Variants in TM2D3 observed in about 807,000 individuals in gnomAD.
TM2D3 encodes TM2 domain containing 3.
In TM2D3, 33 loss-of-function variants were observed where a neutral mutation model predicts 27.3. That is an observed-to-expected ratio of 1.21 (90% CI 0.92 to 1.61). The LOEUF (loss-of-function observed/expected upper bound fraction) is 1.61, where lower values mean the gene tolerates loss of function less well. TM2D3 is among the 40% of genes most tolerant of loss of function. The pLI, the probability that TM2D3 is intolerant of heterozygous loss-of-function variation, is 0.00. For missense variants in TM2D3, 364 were observed against 320.8 expected, an observed-to-expected ratio of 1.13 and a Z score of -1.03; for synonymous variants, 138 against 122.2, an observed-to-expected ratio of 1.13 and a Z score of -0.85.
chr15:101,635,320 A>T (rs1254391521), intron 4 of TM2D3: 1 of 152,182 alleles, frequency 6.6e-6, no homozygotes, highest in Non-Finnish European at 1.5e-5. Flanking sequence ...GAAATGTCTC[A>T]AATTAGTGAC....
At chr15:101,647,661 T>C (rs1191127928) in intron 3 of TM2D3, among the ~76,000 whole-genome samples, 1 of 152,236 alleles carries the variant, frequency 6.6e-6, no homozygotes, top group African/African-American at 2.4e-5. Context: ...TTGAAGATTA[T>C]AGACAAAAAC....
chr15:101,641,865 TTA>T lies in TM2D3; in HGVS notation c.*612_*613del. 1 of 931,124 alleles carries T rather than the reference TTA, an allele frequency of 1.1e-6. No individual in the cohort carries two copies. Among genetic ancestry groups the T allele is most frequent in the Non-Finnish European group, 1.3e-6 (1 of 780,312 alleles). The allele number at this position is 931,124 out of a possible 1,614,324, so 57.7% of individuals were successfully genotyped here. Reference sequence around the variant, plus strand: ...CCACAGTATTTCTTAACTTGCAATTTTATTAATTTTTCAGTACTCTTACCTTT... The same window carrying T: ...CCACAGTATTTCTTAACTTGCAATTTTTAATTTTTCAGTACTCTTACCTTT... On this transcript the variant is annotated 3_prime_UTR_variant, in exon 6 of 6. Transcript: ENST00000333202.
intron 4 of TM2D3, 43 bp downstream of exon 4, chr15:101,646,682 A>G (rs773114386): frequency 1.9e-6 from 3 of 1,612,278 alleles, no homozygotes; most frequent in Non-Finnish European, 2.5e-6. Context: ...ATAAACTTGG[A>G]GAAAAACATT....
Position 101,642,449 on chromosome 15 carries a change from C to T in TM2D3, c.*30G>A. 3.2e-6 allele frequency: 5 copies of T among 1,577,528 alleles called. No individual in the cohort carries two copies. The highest frequency in any genetic ancestry group is 4.6e-5 in the East Asian group (2 of 43,650). Reference sequence around the variant, plus strand: ...TACGGACAAAAGGGCTTTTTCTAAGCCCTGCTCCTTTCTGAAGCACACACC... The same window carrying T: ...TACGGACAAAAGGGCTTTTTCTAAGTCCTGCTCCTTTCTGAAGCACACACC... On this transcript the variant is annotated 3_prime_UTR_variant, in exon 6 of 6. Coordinates refer to ENST00000333202, the MANE Select transcript of TM2D3 (RefSeq NM_078474.3).
At chr15:101,651,166 T>C in intron 2 of TM2D3, 1 of 153,340 alleles carries the variant, frequency 6.5e-6, no homozygotes, top group Non-Finnish European at 1.5e-5. Flanking sequence ...ACACTTAGAA[T>C]CACAAAGCAG....
Position 101,642,503 on chromosome 15 carries a change from T to C in TM2D3, c.720A>G (p.Pro240=), listed in dbSNP as rs1401600769. The C allele has an allele frequency of 1.2e-6, 2 of 1,612,960 alleles. No individual in the cohort carries two copies. The highest frequency in any genetic ancestry group is 2.7e-5 in the African/African-American group (2 of 74,924). ...GCTAAATGTACAAAGAGCCATCTGCTGGTCCAACATAGCCAACTCCAATGA... is the reference window on the plus strand; with the variant it reads ...GCTAAATGTACAAAGAGCCATCTGCCGGTCCAACATAGCCAACTCCAATGA... ...VLLIGVGYVG[P]ADGSLYI is the part of the protein sequence containing the mutation. The change falls in exon 6 of 6, where the codon CCA becomes CCG. Residue 240 remains proline (P), a synonymous_variant. Coordinates refer to ENST00000333202, the MANE Select transcript of TM2D3 (RefSeq NM_078474.3).
At position 101,646,809 on chromosome 15, in the gene TM2D3, T is replaced by G; in HGVS notation, c.418A>C (p.Asn140His). 6.2e-7 allele frequency: 1 copy of G among 1,614,212 alleles called. No homozygotes were observed. The highest frequency in any genetic ancestry group is 1.1e-5 in the South Asian group (1 of 91,084). Reference protein sequence around the residue: ...QLPETDYECTNSTSCMTVSCP... With the variant: ...QLPETDYECTHSTSCMTVSCP... ...GACACCGTCATGCAGCTGGTGGAGT[T>G]GGTACACTCGTAATCTGTTTCAGGA... The change falls in exon 4 of 6, where the codon AAC (asparagine) becomes CAC (histidine). Residue 140 changes from asparagine to histidine, a missense_variant. By Grantham distance (68) the Asn-to-His change is moderately conservative (BLOSUM62 1). Coordinates refer to ENST00000333202, the MANE Select transcript of TM2D3 (RefSeq NM_078474.3).
chr15:101,643,599 T>TTA (rs1309191747), intron 5 of TM2D3, among the ~76,000 whole-genome samples: 14,435 of 48,904 alleles, frequency 0.3, 2,172 homozygotes, highest in Non-Finnish European at 0.42. Flanking sequence ...GAGACTCCGT[T>TTA]AAAAAAAAAA....
intron 5 of TM2D3, 107 bp downstream of exon 5, chr15:101,644,980 G>T: frequency 1.0e-6 from 1 of 955,646 alleles, no homozygotes; most frequent in Non-Finnish European, 1.6e-6. Context: ...AACACACGTG[G>T]TAGGATCTGA....
intron 3 of TM2D3, among the ~76,000 whole-genome samples, chr15:101,649,188 G>T (rs561861574): frequency 3.3e-5 from 5 of 152,086 alleles, no homozygotes; most frequent in Non-Finnish European, 7.4e-5. Flanking sequence ...CTACAAGACT[G>T]TCATCTTTTC....
intron 2 of TM2D3, 69 bp from the exon 3 acceptor site, chr15:101,650,230 A>C (rs1896933661): frequency 6.7e-7 from 1 of 1,494,100 alleles, no homozygotes; most frequent in Admixed American, 2.0e-5. Context: ...CAATCTTCTA[A>C]GGTTAAGAGA....
At chr15:101,648,210 T>A (rs185696990) in intron 3 of TM2D3, 8 of 152,294 alleles carry the variant, frequency 5.3e-5, no homozygotes, top group African/African-American at 1.9e-4. Context: ...GTTTGTTATT[T>A]TTTTTAACAT....
At chr15:101,651,811 TC>T in intron 1 of TM2D3, 38 bp from the exon 2 acceptor site, 1 of 1,607,800 alleles carries the variant, frequency 6.2e-7, no homozygotes. Flanking sequence ...AAACACGTTA[TC>T]CCGGGACAAG....
intron 3 of TM2D3, 93 bp from the exon 4 acceptor site, chr15:101,646,992 G>T: frequency 7.3e-7 from 1 of 1,371,772 alleles, no homozygotes; most frequent in Non-Finnish European, 1.0e-6. Flanking sequence ...ACAAAATTCC[G>T]TAAATGCTTG....
downstream of TM2D3, among the ~76,000 whole-genome samples, chr15:101,638,738 C>T (rs187064638): frequency 1.2e-3 from 182 of 152,184 alleles, no homozygotes; most frequent in Non-Finnish European, 2.1e-3. Flanking sequence ...TTTGCTTGTT[C>T]GCTGTGGAGT....
At chr15:101,645,064 C>T in intron 5 of TM2D3, 23 bp downstream of exon 5, 1 of 1,605,764 alleles carries the variant, frequency 6.2e-7, no homozygotes. Context: ...CGGCCTTTTA[C>T]ACTTACGAGT....
chr15:101,635,965 CTTTTT>C (rs1019326495), intron 4 of TM2D3: 1 of 148,992 alleles, frequency 6.7e-6, no homozygotes, highest in African/African-American at 2.5e-5. Context: ...TGAGCCGTTT[CTTTTT>C]TTTTAAGACC....
chr15:101,644,744 G>C (rs548165296), intron 5 of TM2D3, among the ~76,000 whole-genome samples: 33 of 152,174 alleles, frequency 2.2e-4, no homozygotes, highest in African/African-American at 7.0e-4. Flanking sequence ...CCAGTTTTCA[G>C]TGTTCATCAT....
downstream of TM2D3, among the ~76,000 whole-genome samples, chr15:101,640,274 C>G (rs1050326606): frequency 6.6e-6 from 1 of 152,116 alleles, no homozygotes; most frequent in African/African-American, 2.4e-5. Flanking sequence ...GTGGAGCTCT[C>G]AGGATTGGGA....
Sources: allele counts gnomAD v4.1 joint callset (sites outside exome capture counted in the v4.1 genomes callset), GRCh38; gene constraint gnomAD v4.1.1; transcripts MANE v1.5; gene names NCBI Gene and HGNC (gene_info 2026-07-23, HGNC 2026-07-21).